Variants in ZBTB7C observed in about 807,000 individuals in gnomAD.
The protein encoded by ZBTB7C is zinc finger and BTB domain containing 7C.
Under a neutral mutation model 25.7 loss-of-function variants are expected in ZBTB7C, and 8 were observed. The ratio of observed to expected loss-of-function variants is 0.31; its 90% CI spans 0.18 to 0.56. The LOEUF (loss-of-function observed/expected upper bound fraction) is 0.56, where lower values mean the gene tolerates loss of function less well. Among genes scored for constraint, ZBTB7C ranks in the 20% least tolerant of loss-of-function variants. The pLI is 0.91. For missense variants in ZBTB7C, 824 were observed against 855.2 expected, an observed-to-expected ratio of 0.96 and a Z score of 0.46; for synonymous variants, 394 against 369.0, an observed-to-expected ratio of 1.07 and a Z score of -0.78.
chr18:48,237,652 A>G (rs112671569), intron 2 of ZBTB7C, among the ~76,000 whole-genome samples: 4,054 of 145,928 alleles, frequency 0.028, 81 homozygotes, highest in African/African-American at 0.065. Context: ...TGATATGACC[A>G]CTTTGCAAAA....
intron 3 of ZBTB7C, among the ~76,000 whole-genome samples, chr18:48,062,603 TAGA>T (rs2037168375): frequency 6.6e-6 from 1 of 152,218 alleles, no homozygotes; most frequent in African/African-American, 2.4e-5. Flanking sequence ...CTCATTTTCC[TAGA>T]AGGAGACTGA....
Position 48,174,612 on chromosome 18 carries a change from G to A in ZBTB7C, c.-17+11322C>T, listed in dbSNP as rs189181200. ...AGCATTGTAGCATTATGTAATTGCA[G>A]AATATGAGAAGCTACCTAAGTGGTC... On this transcript the variant is annotated intron_variant, in intron 3 of 4. Transcript: ENST00000590800. 5.9e-5 allele frequency among the ~76,000 whole-genome samples: 9 copies of A among 152,320 alleles called. No individual in the cohort carries two copies. In the East Asian group the frequency reaches 1.7e-3, roughly 29 times the overall value.
Position 48,027,412 on chromosome 18 carries a change from T to C in ZBTB7C, c.*1848A>G, listed in dbSNP as rs2035560676. Reference sequence around the variant, plus strand: ...AAAGTCTGGTTCAGCCCCAATCACTTGGCTGATGGGGGGGAACACGGGGGC... The same window carrying C: ...AAAGTCTGGTTCAGCCCCAATCACTCGGCTGATGGGGGGGAACACGGGGGC... On this transcript the variant is annotated 3_prime_UTR_variant, in exon 5 of 5. Coordinates refer to ENST00000590800, the MANE Select transcript of ZBTB7C (RefSeq NM_001318841.2). The C allele has an allele frequency of 6.6e-6, 1 of 151,828 alleles. No homozygotes were observed. The highest frequency in any genetic ancestry group is 2.4e-5 in the African/African-American group (1 of 41,352). The allele number at this position is 151,828 out of a possible 1,614,324, so 9.4% of individuals were successfully genotyped here.
rs188379220 is a variant in ZBTB7C, at chr18:48,298,198, T to C, written c.-79+39976A>G. On this transcript the variant is annotated intron_variant, in intron 2 of 4. Transcript: ENST00000590800. Reference sequence around the variant, plus strand: ...GGAAGGCTGCGGCAGGAGAATTACTTGAACCCTGCAAGTGGAGGTTGCAGT... The same window carrying C: ...GGAAGGCTGCGGCAGGAGAATTACTCGAACCCTGCAAGTGGAGGTTGCAGT... Among the ~76,000 whole-genome samples the C allele has an allele frequency of 2.0e-3, 296 of 151,526 alleles. 1 individual carries two copies. The highest frequency in any genetic ancestry group is 3.5e-3 in the Non-Finnish European group (237 of 67,970).
At chr18:48,404,455 G>A (rs1297295728) in intron 1 of ZBTB7C, among the ~76,000 whole-genome samples, 4 of 152,298 alleles carry the variant, frequency 2.6e-5, no homozygotes, top group South Asian at 2.1e-4. Context: ...ACCAGATCCC[G>A]CATGCCCACG....
rs2145147482 is a variant in ZBTB7C, at chr18:48,368,486, T to C, written c.-303-30088A>G. ...ACAGAAGTTCTAACATTTCTGTCACTGGAGTCTCAGAAGAAAAGGAGAAAA... is the reference window on the plus strand; with the variant it reads ...ACAGAAGTTCTAACATTTCTGTCACCGGAGTCTCAGAAGAAAAGGAGAAAA... On this transcript the variant is annotated intron_variant, in intron 1 of 4. Transcript: ENST00000590800. Among the ~76,000 whole-genome samples, 3 of 152,266 alleles carry C rather than the reference T, an allele frequency of 2.0e-5. 1 individual carries two copies. The Middle Eastern group carries it at 0.01, about 518-fold the overall frequency.
intron 2 of ZBTB7C, among the ~76,000 whole-genome samples, chr18:48,277,157 A>C (rs62086479): frequency 0.13 from 17,487 of 139,402 alleles, 1,481 homozygotes; most frequent in African/African-American, 0.25. Context: ...GGATCTAATT[A>C]AACTAAAGAG....
chr18:48,189,746 C>T (rs2042148671), intron 2 of ZBTB7C, among the ~76,000 whole-genome samples: 1 of 152,174 alleles, frequency 6.6e-6, no homozygotes, highest in Admixed American at 6.5e-5. Context: ...TGCTCTCAAT[C>T]CCAACGACCT....
intron 3 of ZBTB7C, chr18:48,147,968 C>A (rs2040547994): frequency 6.6e-6 from 1 of 151,936 alleles, no homozygotes; most frequent in South Asian, 2.1e-4. Flanking sequence ...CTCTGCCTAA[C>A]CCCTCCAGAA....
chr18:48,300,999 G>A (rs1431838684), intron 2 of ZBTB7C, among the ~76,000 whole-genome samples: 2 of 152,234 alleles, frequency 1.3e-5, no homozygotes, highest in Admixed American at 1.3e-4. Flanking sequence ...CACTGAAAAT[G>A]CCCTCTGAGG....
intron 1 of ZBTB7C, among the ~76,000 whole-genome samples, chr18:48,394,129 T>C (rs1195598001): frequency 6.6e-6 from 1 of 152,214 alleles, no homozygotes; most frequent in African/African-American, 2.4e-5. Context: ...AGACTTCAAG[T>C]TGGCATTCTT....
chr18:48,405,775 C>A (rs1206835688), intron 1 of ZBTB7C, among the ~76,000 whole-genome samples: 1 of 135,742 alleles, frequency 7.4e-6, no homozygotes, highest in African/African-American at 2.8e-5. Flanking sequence ...GCACACAGGC[C>A]GGGGTTCACT....
chr18:48,365,015 T>C (rs2047191032), intron 1 of ZBTB7C, among the ~76,000 whole-genome samples: 3 of 152,212 alleles, frequency 2.0e-5, no homozygotes, highest in Admixed American at 6.5e-5. Context: ...TCCCATGTGA[T>C]GCTGGTACTG....
chr18:48,116,588 C>T (rs928420468), intron 3 of ZBTB7C, among the ~76,000 whole-genome samples: 5 of 152,124 alleles, frequency 3.3e-5, no homozygotes, highest in Non-Finnish European at 5.9e-5. Context: ...GCTTTCCTAC[C>T]GCTACCCTGG....
At chr18:48,341,260 G>A (rs1342883909) in intron 1 of ZBTB7C, among the ~76,000 whole-genome samples, 3 of 152,222 alleles carry the variant, frequency 2.0e-5, no homozygotes, top group African/African-American at 7.2e-5. Context: ...CCCCGGAGAT[G>A]TGGGCAGAGG....
intron 3 of ZBTB7C, among the ~76,000 whole-genome samples, chr18:48,096,438 C>A (rs751514171): frequency 6.6e-6 from 1 of 152,224 alleles, no homozygotes; most frequent in East Asian, 1.9e-4. Context: ...AGGGTGGCCA[C>A]TGATTGCTTC....
intron 3 of ZBTB7C, among the ~76,000 whole-genome samples, chr18:48,177,552 G>GGT (rs1351997288): frequency 6.6e-6 from 1 of 152,120 alleles, no homozygotes; most frequent in African/African-American, 2.4e-5. Context: ...CCAACAGGAG[G>GGT]GTGTGTGCGT....
intron 2 of ZBTB7C, chr18:48,252,308 G>C (rs1057272715): frequency 2.0e-5 from 3 of 152,174 alleles, no homozygotes; most frequent in Admixed American, 1.3e-4. Flanking sequence ...ACTATGGAGA[G>C]AATAGTGCAT....
intron 2 of ZBTB7C, among the ~76,000 whole-genome samples, chr18:48,279,547 G>A (rs948151096): frequency 1.1e-4 from 17 of 152,204 alleles, no homozygotes; most frequent in African/African-American, 4.1e-4. Flanking sequence ...CACGGGGCCT[G>A]GGGTGGTGGT....
Sources: gnomAD v4.1 joint callset for allele counts (sites outside exome capture counted in the v4.1 genomes callset) on GRCh38, gnomAD v4.1.1 for gene constraint, MANE v1.5 for transcripts, NCBI Gene and HGNC (gene_info 2026-07-23, HGNC 2026-07-21) for gene names.